Variants in PCDHA4 observed in about 807,000 individuals in gnomAD.
PCDHA4 encodes protocadherin alpha-4.
In PCDHA4, 49 loss-of-function variants were observed where a neutral mutation model predicts 61.4. That is an observed-to-expected ratio of 0.80 (90% CI 0.63 to 1.01). The LOEUF (loss-of-function observed/expected upper bound fraction) is 1.01. PCDHA4 is among the 50% of genes least tolerant of loss of function. PCDHA4 has a pLI of 0.00. For synonymous variants in PCDHA4, 590 were observed against 550.3 expected (o/e 1.07, Z -1.01); for missense variants, 1,254 against 1,235.8 (o/e 1.01, Z -0.22).
chr5:140,940,434 T>A (rs155816), intron 1 of PCDHA4, among the ~76,000 whole-genome samples: 48,246 of 152,056 alleles, frequency 0.32, 7,999 homozygotes, highest in East Asian at 0.53. Flanking sequence ...TGATCAAGTC[T>A]GCCATGATAT....
rs1410749006 is a variant in PCDHA4, at chr5:140,810,474, C to CCTTATG, written c.2385+903_2385+904insTTATGC. On this transcript the variant is annotated intron_variant, in intron 1 of 3. Transcript: ENST00000530339. ...GTAGTGCATAAGGCTTTCTGCTGGG[C>CCTTATG]CACATCATCTCTACATTTGTCAGGT... 1.8e-4 allele frequency: 27 copies of CCTTATG among 152,302 alleles called. No homozygotes were observed. The East Asian group carries it at 4.6e-3, about 26-fold the overall frequency. The allele number at this position is 152,302 out of a possible 1,614,324, so 9.4% of individuals were successfully genotyped here.
chr5:140,910,551 T>G (rs1330218807), intron 1 of PCDHA4, among the ~76,000 whole-genome samples: 1 of 152,178 alleles, frequency 6.6e-6, no homozygotes, highest in East Asian at 1.9e-4. Flanking sequence ...TTGCAAAGTA[T>G]TAGTCAAGGA....
chr5:140,858,335 C>T, intron 1 of PCDHA4: 1 of 1,595,924 alleles, frequency 6.3e-7, no homozygotes, highest in Non-Finnish European at 8.6e-7. Flanking sequence ...GGAGGGCCTG[C>T]CCAAGGCGGA....
At chr5:140,980,515 A>G (rs779201653) in intron 2 of PCDHA4, among the ~76,000 whole-genome samples, 18 of 152,182 alleles carry the variant, frequency 1.2e-4, no homozygotes, top group Non-Finnish European at 2.5e-4. Flanking sequence ...CTGTAGTTCC[A>G]GCTACTAGGG....
chr5:140,883,722 A>G (rs1249317360), intron 1 of PCDHA4: 1 of 1,613,546 alleles, frequency 6.2e-7, no homozygotes, highest in Non-Finnish European at 8.5e-7. Context: ...GCGGACGCAC[A>G]GGAGAACGCG....
chr5:140,893,106 C>T (rs1226663436), intron 1 of PCDHA4, among the ~76,000 whole-genome samples: 3 of 152,170 alleles, frequency 2.0e-5, no homozygotes, highest in African/African-American at 4.8e-5. Flanking sequence ...GATAATATTC[C>T]GTTGTGCATA....
At chr5:140,915,069 C>T (rs2076962975) in intron 1 of PCDHA4, among the ~76,000 whole-genome samples, 2 of 151,484 alleles carry the variant, frequency 1.3e-5, no homozygotes, top group Admixed American at 6.6e-5. Flanking sequence ...CCTTAGCCTA[C>T]TGAGTAGCTG....
At chr5:140,877,141 G>T (rs1554169360) in intron 1 of PCDHA4, 2 of 1,613,680 alleles carry the variant, frequency 1.2e-6, no homozygotes, top group African/African-American at 1.3e-5. Flanking sequence ...GTTCGTGCTG[G>T]ACGAGAACGA....
At chr5:140,893,881 C>T (rs1385683702) in intron 1 of PCDHA4, among the ~76,000 whole-genome samples, 1 of 152,066 alleles carries the variant, frequency 6.6e-6, no homozygotes, top group Non-Finnish European at 1.5e-5. Flanking sequence ...TCCAAAGTGG[C>T]CAGAAAGTTA....
chr5:140,966,042 G>T (rs1554228004), intron 1 of PCDHA4, among the ~76,000 whole-genome samples: 1 of 152,152 alleles, frequency 6.6e-6, no homozygotes, highest in Admixed American at 6.5e-5. Context: ...AGTTCCCATC[G>T]CCAGTAACCC....
intron 1 of PCDHA4, among the ~76,000 whole-genome samples, chr5:140,953,460 G>A (rs1025295552): frequency 1.3e-5 from 2 of 152,116 alleles, no homozygotes; most frequent in Non-Finnish European, 2.9e-5. Context: ...ATCTGTCAGA[G>A]TTTTAACTTC....
chr5:140,841,854 T>C (rs2150324158), intron 1 of PCDHA4: 6 of 1,613,730 alleles, frequency 3.7e-6, no homozygotes, highest in Non-Finnish European at 5.1e-6. Context: ...CATGATTACT[T>C]CATGCTAGAT....
Position 140,958,548 on chromosome 5 carries a change from A to G in PCDHA4, c.2386-20401A>G, listed in dbSNP as rs185504563. The stretch of plus-strand genomic sequence containing the variant: ...TATGTGTACATTGATTTATGAACCA[A>G]TAAATGTTTCATACACAGTTGAGAT... On this transcript the variant is annotated intron_variant, in intron 1 of 3. Transcript: ENST00000530339. Among the ~76,000 whole-genome samples the G allele has an allele frequency of 5.4e-3, 828 of 152,296 alleles. 8 individuals are homozygous for G. Among genetic ancestry groups the G allele is most frequent in the South Asian group, 1.0e-2 (48 of 4,822 alleles).
At chr5:140,992,486 A>G (rs2097515048) in intron 3 of PCDHA4, among the ~76,000 whole-genome samples, 1 of 152,182 alleles carries the variant, frequency 6.6e-6, no homozygotes, top group Non-Finnish European at 1.5e-5. Flanking sequence ...CCAGAGGCCA[A>G]TCTGTAAGGA....
rs1765206283 is a variant in PCDHA4 at position 140,812,969 on chromosome 5, A to AT, written c.2385+3400dup. 2.0e-5 allele frequency: 3 copies of AT among 152,158 alleles called. No individual in the cohort carries two copies. The South Asian group carries it at 6.2e-4, about 32-fold the overall frequency. The allele number at this position is 152,158 out of a possible 1,614,324, so 9.4% of individuals were successfully genotyped here. A position where few individuals can be genotyped will look rare whatever the true frequency, so the allele number is the denominator to read the frequency against. ...TTTTCCAGTTTTAATTCCAGTATTG[A>AT]TTTCTAGTTTTATTCCACTGTGGTC... On this transcript the variant is annotated intron_variant, in intron 1 of 3. Coordinates refer to ENST00000530339, the MANE Select transcript of PCDHA4 (RefSeq NM_018907.4).
At chr5:140,881,330 G>A (rs2153378633) in intron 1 of PCDHA4, 1 of 984,626 alleles carries the variant, frequency 1.0e-6, no homozygotes, top group Non-Finnish European at 1.2e-6. Context: ...ATTTAACCAG[G>A]ACGCCGATTC....
chr5:140,856,399 T>G (rs782023286), intron 1 of PCDHA4: 1 of 1,598,492 alleles, frequency 6.3e-7, no homozygotes, highest in Non-Finnish European at 8.6e-7. Flanking sequence ...AGGTTTTCCA[T>G]GTGGACGTGG....
intron 1 of PCDHA4, among the ~76,000 whole-genome samples, chr5:140,937,364 T>C (rs1471697724): frequency 6.6e-6 from 1 of 152,150 alleles, no homozygotes; most frequent in African/African-American, 2.4e-5. Flanking sequence ...TATTTTATCT[T>C]AATGTTTATG....
chr5:140,882,539 G>C (rs1303287274), intron 1 of PCDHA4: 2 of 1,614,110 alleles, frequency 1.2e-6, no homozygotes. Context: ...TTCTCGGATC[G>C]ACCGCGAGGA....
Sources: allele counts gnomAD v4.1 joint callset (sites outside exome capture counted in the v4.1 genomes callset), GRCh38; gene constraint gnomAD v4.1.1; transcripts MANE v1.5; gene names NCBI Gene and HGNC (gene_info 2026-07-23, HGNC 2026-07-21).